The following ACSL6 variants were observed in gnomAD, a reference collection of about 807,000 sequenced individuals.
ACSL6 encodes acyl-CoA synthetase long chain family member 6, also known as long-chain-fatty-acid--CoA ligase 6.
ACSL6 carries 47 observed loss-of-function variants against 98.2 expected under a neutral mutation model. The ratio of observed to expected loss-of-function variants is 0.48; its 90% CI spans 0.38 to 0.61. The LOEUF (loss-of-function observed/expected upper bound fraction) is 0.61. Ranked by LOEUF, ACSL6 falls within the 20% of genes least tolerant of loss-of-function variation. ACSL6 has a pLI of 0.00. For missense variants in ACSL6, 761 were observed against 913.4 expected (o/e 0.83, Z 2.15); for synonymous variants, 362 against 336.9 (o/e 1.07, Z -0.82).
intron 10 of ACSL6, 54 bp from the exon 11 acceptor site, chr5:131,975,024 G>A (rs777928148): frequency 3.2e-6 from 5 of 1,584,816 alleles, no homozygotes; most frequent in Non-Finnish European, 3.4e-6. Flanking sequence ...ACAGGAAGAC[G>A]ACAAGAGAAT....
At chr5:132,011,958 G>C (rs962199150), upstream of ACSL6, 4 of 1,536,054 alleles carry the variant, frequency 2.6e-6, no homozygotes, top group Non-Finnish European at 8.8e-7. This position sits in a 1 kb window ranked among gnomAD's most constrained non-coding sequence, Gnocchi z 5.4. Flanking sequence ...CACGGGCGAC[G>C]AGCGCCAGAG....
At chr5:131,988,955 T>G in intron 5 of ACSL6, 51 bp from the exon 6 acceptor site, 5 of 1,509,656 alleles carry the variant, frequency 3.3e-6, no homozygotes, top group Non-Finnish European at 3.7e-6. Flanking sequence ...ATTAGAGGGC[T>G]GTCCTGCCCT....
At chr5:132,008,523 C>T (rs866752861) in intron 1 of ACSL6, among the ~76,000 whole-genome samples, 4 of 152,222 alleles carry the variant, frequency 2.6e-5, no homozygotes, top group Non-Finnish European at 2.9e-5. Context: ...TTATCCATAA[C>T]ATCATAACGA....
chr5:131,952,062 T>G lies in ACSL6; in HGVS notation c.*2172A>C, dbSNP rs1191897685. 3 of 179,636 alleles carry G rather than the reference T, an allele frequency of 1.7e-5. No homozygotes were observed. Among genetic ancestry groups the G allele is most frequent in the African/African-American group, 7.1e-5 (3 of 42,380 alleles). The allele number at this position is 179,636 out of a possible 1,614,324, so 11.1% of individuals were successfully genotyped here. A position where few individuals can be genotyped will look rare whatever the true frequency, so the allele number is the denominator to read the frequency against. On this transcript the variant is annotated 3_prime_UTR_variant, in exon 21 of 21. Coordinates refer to ENST00000651883, the MANE Select transcript of ACSL6 (RefSeq NM_001009185.3). ...GGAGGACAATGGGAAACAGATTCTTTTTTTGTTGTTATTGAAATGTAAGCA... is the reference window on the plus strand; with the variant it reads ...GGAGGACAATGGGAAACAGATTCTTGTTTTGTTGTTATTGAAATGTAAGCA...
upstream of ACSL6, chr5:132,012,022 C>T: frequency 7.1e-7 from 1 of 1,417,266 alleles, no homozygotes; most frequent in Non-Finnish European, 9.4e-7. Context: ...GCGACCCTGC[C>T]CCCGCGCGAC....
chr5:131,976,839 G>A (rs746124879), intron 9 of ACSL6, 118 bp from the exon 10 acceptor site: 16 of 796,536 alleles, frequency 2.0e-5, no homozygotes, highest in Non-Finnish European at 3.3e-5. Flanking sequence ...TCTGGCCTTT[G>A]TCTTCAGCCA....
intron 6 of ACSL6, chr5:131,988,466 A>T (rs1035274778): frequency 1.2e-5 from 19 of 1,524,020 alleles, no homozygotes; most frequent in Non-Finnish European, 1.6e-5. Flanking sequence ...CCTTTGTTCC[A>T]GGCTCTGCCC....
chr5:131,985,197 G>T, intron 9 of ACSL6: 1 of 615,682 alleles, frequency 1.6e-6, no homozygotes, highest in Non-Finnish European at 2.9e-6. Context: ...CCCTCACACT[G>T]GACCTCCCAA....
At chr5:131,960,412 A>G in intron 19 of ACSL6, 108 bp downstream of exon 19, 1 of 799,068 alleles carries the variant, frequency 1.3e-6, no homozygotes, top group Non-Finnish European at 1.9e-6. Context: ...AATGTTAGAA[A>G]TTTCGTACGA....
chr5:131,975,221 T>C, intron 10 of ACSL6: 1 of 1,362,930 alleles, frequency 7.3e-7, no homozygotes. Flanking sequence ...AGCGGAGTGT[T>C]AGGTCGCAGC....
intron 10 of ACSL6, among the ~76,000 whole-genome samples, 200 bp downstream of exon 10, chr5:131,976,448 A>T (rs1247801377): frequency 6.6e-6 from 1 of 152,090 alleles, no homozygotes; most frequent in Non-Finnish European, 1.5e-5. Context: ...CGTATGGGTC[A>T]TTTCAGTATT....
intron 18 of ACSL6, among the ~76,000 whole-genome samples, chr5:131,961,972 T>G (rs1752733469): frequency 1.3e-5 from 2 of 151,796 alleles, no homozygotes; most frequent in South Asian, 4.1e-4. Flanking sequence ...GCTCAGGAGT[T>G]CGAGACTAGC....
chr5:131,972,391 G>T (rs1285763442), intron 13 of ACSL6, among the ~76,000 whole-genome samples: 1 of 152,146 alleles, frequency 6.6e-6, no homozygotes, highest in Non-Finnish European at 1.5e-5. Flanking sequence ...AGGATTACAG[G>T]GAGGGGCAAG....
chr5:131,954,151 G>A lies in ACSL6; in HGVS notation c.*83C>T, dbSNP rs541574978. 1.9e-4 allele frequency: 257 copies of A among 1,385,484 alleles called. No individual in the cohort carries two copies. Among genetic ancestry groups the A allele is most frequent in the Admixed American group, 2.4e-4 (9 of 37,246 alleles). The allele number at this position is 1,385,484 out of a possible 1,614,324, so 85.8% of individuals were successfully genotyped here. A position where few individuals can be genotyped will look rare whatever the true frequency, so the allele number is the denominator to read the frequency against. The stretch of plus-strand genomic sequence containing the variant: ...ATCAGATGCTTATTCATTTTCAGCT[G>A]TGTCATTTTGACTCATTACTTTCAA... On this transcript the variant is annotated 3_prime_UTR_variant, in exon 21 of 21. Coordinates refer to ENST00000651883, the MANE Select transcript of ACSL6 (RefSeq NM_001009185.3).
intron 14 of ACSL6, among the ~76,000 whole-genome samples, chr5:131,970,470 C>T (rs1580643595): frequency 6.6e-6 from 1 of 150,772 alleles, no homozygotes; most frequent in Middle Eastern, 3.4e-3. Flanking sequence ...AGTGCAATGG[C>T]GTGATCTCCA....
At chr5:132,007,359 C>G (rs1755466119) in intron 1 of ACSL6, among the ~76,000 whole-genome samples, 1 of 152,278 alleles carries the variant, frequency 6.6e-6, no homozygotes, top group South Asian at 2.1e-4. Context: ...TTCCCTCACA[C>G]AGGTCCCTTG....
chr5:131,988,567 G>C, intron 6 of ACSL6: 1 of 1,601,594 alleles, frequency 6.2e-7, no homozygotes, highest in Non-Finnish European at 8.5e-7. Context: ...CTGTGTGGAG[G>C]CTGTTGCAGA....
chr5:132,008,509 A>G lies in ACSL6; in HGVS notation c.49+2996T>C, dbSNP rs148894110. Among the ~76,000 whole-genome samples the G allele has an allele frequency of 1.1e-3, 171 of 152,226 alleles. 1 individual carries two copies. The highest frequency in any genetic ancestry group is 3.4e-3 in the Middle Eastern group (1 of 294). ...CTCAAGCCATCCTTGGACCACATCT[A>G]TTCTTATCCATAACATCATAACGAC... is the stretch of plus-strand genomic sequence containing the variant. On this transcript the variant is annotated intron_variant, in intron 1 of 20. Coordinates refer to ENST00000651883, the MANE Select transcript of ACSL6 (RefSeq NM_001009185.3).
At chr5:131,985,228 C>T in intron 9 of ACSL6, 179 bp downstream of exon 9, 1 of 720,090 alleles carries the variant, frequency 1.4e-6, no homozygotes, top group Non-Finnish European at 2.4e-6. Context: ...CCATCTGCAT[C>T]TGGCCACTCT....
Sources: gnomAD v4.1 joint callset for allele counts (sites outside exome capture counted in the v4.1 genomes callset) on GRCh38, gnomAD v4.1.1 for gene constraint, Gnocchi (gnomAD v3.1) non-coding constraint, MANE v1.5 for transcripts, NCBI Gene and HGNC (gene_info 2026-07-23, HGNC 2026-07-21) for gene names.